RIMS2: variants seen among roughly 807,000 people sequenced by gnomAD.
RIMS2 encodes regulating synaptic membrane exocytosis protein 2.
In RIMS2, 59 loss-of-function variants were observed where a neutral mutation model predicts 174.4. The ratio of observed to expected loss-of-function variants is 0.34; its 90% confidence interval spans 0.27 to 0.42. The LOEUF is 0.42. Among genes scored for constraint, RIMS2 ranks in the 10% least tolerant of loss-of-function variants. The probability of loss-of-function intolerance (pLI) is 1.00; values close to 1 mark genes in which losing one functional copy is unlikely to be tolerated. For missense variants in RIMS2, 1,620 were observed against 1,666.3 expected, an observed-to-expected ratio of 0.97 and a Z score of 0.48; for synonymous variants, 606 against 572.5, an observed-to-expected ratio of 1.06 and a Z score of -0.84.
At chr8:103,888,212 A>G (rs2099217920) in intron 4 of RIMS2, among the ~76,000 whole-genome samples, 1 of 151,590 alleles carries the variant, frequency 6.6e-6, no homozygotes, top group Non-Finnish European at 1.5e-5. Context: ...GGAGAGATAA[A>G]CTATTCAACA....
At chr8:104,238,073 G>A (rs1445497057) in intron 19 of RIMS2, among the ~76,000 whole-genome samples, 1 of 152,098 alleles carries the variant, frequency 6.6e-6, no homozygotes, top group East Asian at 1.9e-4. Flanking sequence ...TGATAGACTG[G>A]ATAAAGAAAA....
At chr8:103,952,218 G>A (rs2085618971) in intron 14 of RIMS2, among the ~76,000 whole-genome samples, 1 of 152,218 alleles carries the variant, frequency 6.6e-6, no homozygotes, top group South Asian at 2.1e-4. Flanking sequence ...GCTCAGCTCT[G>A]AAGAGAGGAG....
chr8:103,886,695 C>T (rs1024939654), intron 4 of RIMS2, among the ~76,000 whole-genome samples: 2 of 151,162 alleles, frequency 1.3e-5, no homozygotes, highest in Non-Finnish European at 3.0e-5. Context: ...TTTTCCTATG[C>T]ATGTATGGTT....
chr8:103,860,355 A>G (rs1441559843), intron 3 of RIMS2, among the ~76,000 whole-genome samples: 1 of 152,174 alleles, frequency 6.6e-6, no homozygotes, highest in Admixed American at 6.6e-5. Context: ...TGTACAAATG[A>G]TATTGTAATA....
chr8:104,154,164 TG>T (rs1215361575), intron 19 of RIMS2, among the ~76,000 whole-genome samples: 3 of 152,148 alleles, frequency 2.0e-5, no homozygotes, highest in Admixed American at 1.3e-4. Flanking sequence ...ATTCGATAGA[TG>T]GGGGGAAAAA....
chr8:104,118,305 C>T (rs1431209144), intron 19 of RIMS2, among the ~76,000 whole-genome samples: 1 of 151,588 alleles, frequency 6.6e-6, no homozygotes. Context: ...TCCCAACTTC[C>T]AGTTGATAAT....
chr8:104,242,609 C>A (rs2099308004), intron 19 of RIMS2, among the ~76,000 whole-genome samples: 1 of 152,170 alleles, frequency 6.6e-6, no homozygotes, highest in Non-Finnish European at 1.5e-5. Flanking sequence ...ACTAGGCCAA[C>A]TTTCTTGAAC....
At chr8:103,741,506 G>A (rs1272183291) in intron 2 of RIMS2, among the ~76,000 whole-genome samples, 3 of 151,930 alleles carry the variant, frequency 2.0e-5, no homozygotes, top group Non-Finnish European at 4.4e-5. Context: ...GCAAAGAATT[G>A]AAGACACCAG....
intron 1 of RIMS2, among the ~76,000 whole-genome samples, chr8:103,528,310 G>C (rs1273121349): frequency 1.3e-5 from 2 of 151,964 alleles, no homozygotes; most frequent in Admixed American, 6.6e-5. Flanking sequence ...CAGATCAGTA[G>C]ATTGCAAAAA....
At chr8:103,881,505 G>C (rs2099167174) in intron 3 of RIMS2, among the ~76,000 whole-genome samples, 1 of 151,510 alleles carries the variant, frequency 6.6e-6, no homozygotes, top group Admixed American at 6.6e-5. Context: ...ATCTGGAAGT[G>C]ATTTTAATTG....
chr8:103,754,493 T>C (rs537824548), intron 2 of RIMS2, among the ~76,000 whole-genome samples: 1,583 of 152,258 alleles, frequency 0.01, 8 homozygotes, highest in Non-Finnish European at 0.018. Context: ...TTTTTAACTT[T>C]CTGTCTCATT....
intron 3 of RIMS2, among the ~76,000 whole-genome samples, chr8:103,795,779 T>TA (rs2098545805): frequency 6.6e-6 from 1 of 152,202 alleles, no homozygotes; most frequent in Admixed American, 6.6e-5. Flanking sequence ...TATCGCTGCC[T>TA]TTCATATTCA....
chr8:103,944,932 A>G (rs62527124), intron 14 of RIMS2, among the ~76,000 whole-genome samples: 2,503 of 152,224 alleles, frequency 0.016, 35 homozygotes, highest in South Asian at 0.027. Flanking sequence ...ACCTTTGGCT[A>G]ATTAGGCTAA....
chr8:103,854,552 G>C (rs1055127966), intron 3 of RIMS2, among the ~76,000 whole-genome samples: 5 of 151,180 alleles, frequency 3.3e-5, no homozygotes, highest in Admixed American at 2.6e-4. Flanking sequence ...AGTTTGTTGA[G>C]GGTTTTTTTT....
At chr8:103,980,059 A>C (rs888234375) in intron 16 of RIMS2, among the ~76,000 whole-genome samples, 1 of 152,196 alleles carries the variant, frequency 6.6e-6, no homozygotes, top group African/African-American at 2.4e-5. Context: ...GCTCAGAGCC[A>C]GAGGACTAGG....
intron 3 of RIMS2, chr8:103,819,066 T>C (rs1052663215): frequency 1.7e-5 from 4 of 237,056 alleles, no homozygotes; most frequent in Non-Finnish European, 2.7e-5. Flanking sequence ...AGTAGTAGCA[T>C]TGAGAAGATA....
At chr8:104,060,568 C>T (rs1404830440) in intron 19 of RIMS2, among the ~76,000 whole-genome samples, 3 of 150,672 alleles carry the variant, frequency 2.0e-5, no homozygotes, top group East Asian at 3.9e-4. Flanking sequence ...TCTCTATTTC[C>T]TTCAGTTCTG....
At chr8:103,574,344 A>G (rs1181403770) in intron 1 of RIMS2, among the ~76,000 whole-genome samples, 5 of 152,180 alleles carry the variant, frequency 3.3e-5, no homozygotes, top group African/African-American at 9.6e-5. Context: ...TCTTCAGACA[A>G]TACTCTCCAA....
intron 1 of RIMS2, among the ~76,000 whole-genome samples, chr8:103,695,301 T>A (rs1273152772): frequency 1.3e-5 from 2 of 152,216 alleles, no homozygotes; most frequent in Non-Finnish European, 2.9e-5. Context: ...GAGGGACAAA[T>A]GTTGGAAAGT....
Sources: gnomAD v4.1 joint callset for allele counts (sites outside exome capture counted in the v4.1 genomes callset) on GRCh38, gnomAD v4.1.1 for gene constraint, MANE v1.5 for transcripts, NCBI Gene and HGNC (gene_info 2026-07-23, HGNC 2026-07-21) for gene names.